Variants in SLC12A7 observed in about 807,000 individuals in gnomAD.
The protein encoded by SLC12A7 is solute carrier family 12 member 7, also known as K-Cl cotransporter 4.
In SLC12A7, 100 loss-of-function variants were observed where a neutral mutation model predicts 120.6. That is an observed-to-expected ratio of 0.83 (90% CI 0.71 to 0.98). The LOEUF is 0.98. Ranked by LOEUF, SLC12A7 falls within the 50% of genes least tolerant of loss-of-function variation. SLC12A7 has a pLI of 0.00. For missense variants in SLC12A7, 1,373 were observed against 1,548.1 expected (o/e 0.89, Z 1.90); for synonymous variants, 760 against 678.0 (o/e 1.12, Z -1.88).
intron 9 of SLC12A7, among the ~76,000 whole-genome samples, 164 bp from the exon 10 acceptor site, chr5:1,079,660 G>A (rs1020858193): frequency 6.6e-6 from 1 of 152,174 alleles, no homozygotes; most frequent in Non-Finnish European, 1.5e-5. Context: ...GCAATACTGC[G>A]GCTGAGGGGA....
intron 22 of SLC12A7, among the ~76,000 whole-genome samples, chr5:1,056,843 C>G (rs1015690889): frequency 6.6e-6 from 1 of 152,216 alleles, no homozygotes; most frequent in East Asian, 1.9e-4. Context: ...CGCAAGGACC[C>G]TGTACAGCCC....
At chr5:1,125,839 C>T in the SLC12A7 span, among the ~76,000 whole-genome samples, 1 of 149,112 alleles carries the variant, frequency 6.7e-6, no homozygotes, top group Non-Finnish European at 1.5e-5. Flanking sequence ...ACAGGAGAAT[C>T]ACTTGAACCT....
the SLC12A7 span, among the ~76,000 whole-genome samples, chr5:1,130,125 G>A: frequency 6.6e-6 from 1 of 152,196 alleles, no homozygotes; most frequent in Non-Finnish European, 1.5e-5. Flanking sequence ...GCACCCGTTT[G>A]GTTTACAGGA....
chr5:1,097,319 C>G (rs1741364003), intron 1 of SLC12A7, among the ~76,000 whole-genome samples: 1 of 152,270 alleles, frequency 6.6e-6, no homozygotes, highest in East Asian at 1.9e-4. Flanking sequence ...GCAGAAGCAA[C>G]CCCTGCTCAC....
At chr5:1,101,123 C>T (rs575663633) in intron 1 of SLC12A7, among the ~76,000 whole-genome samples, 101 of 152,320 alleles carry the variant, frequency 6.6e-4, no homozygotes, top group African/African-American at 2.3e-3. Flanking sequence ...TGTTTCAGCG[C>T]CCTCTCCCCA....
At chr5:1,067,175 G>A (rs1409254476) in intron 17 of SLC12A7, among the ~76,000 whole-genome samples, 1 of 152,214 alleles carries the variant, frequency 6.6e-6, no homozygotes, top group Non-Finnish European at 1.5e-5. Context: ...GCGCAAGACG[G>A]GACAGGGTGC....
At position 1,064,126 on chromosome 5, in the gene SLC12A7, C is replaced by T; in HGVS notation, c.2564G>A (p.Gly855Asp). The T allele has an allele frequency of 6.2e-7, 1 of 1,610,658 alleles. No homozygotes were observed. Among genetic ancestry groups the T allele is most frequent in the African/African-American group, 1.3e-5 (1 of 74,982 alleles). Residue 855 changes from glycine (G) to aspartate (D), a missense_variant, in exon 19 of 24, where the codon GGC becomes GAC. By Grantham distance (94) the Gly-to-Asp change is moderately conservative. Transcript: ENST00000264930. ...HIDVWWIVHDGGMLMLLPFLL... is the reference protein window; with the variant it reads ...HIDVWWIVHDDGMLMLLPFLL... ...GAAGGGCAGCAGCATGAGCATGCCGCCGTCGTGCACGATCCACCACACGTC... is the reference window on the plus strand; with the variant it reads ...GAAGGGCAGCAGCATGAGCATGCCGTCGTCGTGCACGATCCACCACACGTC...
intron 21 of SLC12A7, 129 bp from the exon 22 acceptor site, chr5:1,057,778 A>G (rs1735782773): frequency 2.3e-6 from 2 of 863,818 alleles, no homozygotes; most frequent in Non-Finnish European, 1.8e-6. Context: ...CTGACCCGGG[A>G]CCCAGCCTGG....
At chr5:1,052,648 T>A (rs1378137121) in intron 23 of SLC12A7, among the ~76,000 whole-genome samples, 197 bp from the exon 24 acceptor site, 1 of 152,038 alleles carries the variant, frequency 6.6e-6, no homozygotes, top group African/African-American at 2.4e-5. Flanking sequence ...GAGGGGCCAG[T>A]GCTCGGGAAA....
chr5:1,094,951 G>T (rs2150882217), intron 1 of SLC12A7, among the ~76,000 whole-genome samples: 1 of 151,566 alleles, frequency 6.6e-6, no homozygotes, highest in Non-Finnish European at 1.5e-5. Flanking sequence ...AGGACTTGAG[G>T]CTCCCTGGCA....
chr5:1,074,167 G>T lies in SLC12A7; in HGVS notation c.2073-366C>A, dbSNP rs915273224. Among the ~76,000 whole-genome samples, 7 of 151,968 alleles carry T rather than the reference G, an allele frequency of 4.6e-5. No individual in the cohort carries two copies. The East Asian group carries it at 1.4e-3, about 30-fold the overall frequency. ...ACACACACCTGAAGCCCCCACCGAGGCCCTGAGGGGACAATGGCCCGGGGC... is the reference window on the plus strand; with the variant it reads ...ACACACACCTGAAGCCCCCACCGAGTCCCTGAGGGGACAATGGCCCGGGGC... On this transcript the variant is annotated intron_variant, in intron 16 of 23. Transcript: ENST00000264930.
intron 1 of SLC12A7, among the ~76,000 whole-genome samples, chr5:1,102,971 G>C (rs1742162532): frequency 6.6e-6 from 1 of 152,208 alleles, no homozygotes; most frequent in Non-Finnish European, 1.5e-5. Flanking sequence ...TGGGCTCCCT[G>C]TGAAGGTGCC....
intron 8 of SLC12A7, among the ~76,000 whole-genome samples, chr5:1,082,710 G>A (rs371439604): frequency 4.7e-5 from 7 of 148,792 alleles, no homozygotes; most frequent in South Asian, 2.2e-4. Flanking sequence ...TTCCCATCTC[G>A]GGTTCTGGAA....
chr5:1,141,445 A>AGAG, the SLC12A7 span, among the ~76,000 whole-genome samples: 1 of 74,784 alleles, frequency 1.3e-5, no homozygotes, highest in African/African-American at 4.0e-5. Context: ...CACGGGCACC[A>AGAG]CAGCCGCCAT....
rs1330965280 is a variant in SLC12A7, at chr5:1,057,462, GAC to G, written c.3026+7_3026+8del. 1.9e-6 allele frequency: 3 copies of G among 1,605,710 alleles called. No individual in the cohort carries two copies. Among genetic ancestry groups the G allele is most frequent in the African/African-American group, 2.7e-5 (2 of 74,846 alleles). On this transcript the variant is annotated splice_region_variant and intron_variant, in intron 22 of 23. Transcript: ENST00000264930. ...CTGTTCCCCCCAGGCCACACGCACG[GAC>G]ACTCACGGCTTCATGCTGAAGAGGT...
At chr5:1,109,424 TAAC>T (rs1742817964) in intron 1 of SLC12A7, among the ~76,000 whole-genome samples, 1 of 152,116 alleles carries the variant, frequency 6.6e-6, no homozygotes, top group Admixed American at 6.5e-5. Context: ...AACTGAGGGT[TAAC>T]ACGTCCTTCT....
chr5:1,074,207 C>G (rs932251089), intron 16 of SLC12A7, among the ~76,000 whole-genome samples: 5 of 151,742 alleles, frequency 3.3e-5, no homozygotes, highest in African/African-American at 1.2e-4. Flanking sequence ...CCGAGGCCCC[C>G]GCCGAGGCCC....
At chr5:1,113,206 G>A (rs941343099), upstream of SLC12A7, among the ~76,000 whole-genome samples, 18 of 152,210 alleles carry the variant, frequency 1.2e-4, no homozygotes, top group African/African-American at 2.2e-4. Flanking sequence ...ACTGCTGTAC[G>A]ACAACAAAGC....
chr5:1,077,293 A>G (rs1162472867), intron 12 of SLC12A7, among the ~76,000 whole-genome samples: 5 of 152,222 alleles, frequency 3.3e-5, no homozygotes, highest in African/African-American at 1.2e-4. Flanking sequence ...CCGAGGGACC[A>G]GCGACGGGCA....
Sources: gnomAD v4.1 joint callset for allele counts (sites outside exome capture counted in the v4.1 genomes callset) on GRCh38, gnomAD v4.1.1 for gene constraint, MANE v1.5 for transcripts, NCBI Gene and HGNC (gene_info 2026-07-23, HGNC 2026-07-21) for gene names.